HTD2: variants seen among roughly 807,000 people sequenced by gnomAD.
HTD2 encodes hydroxyacyl-thioester dehydratase type 2, mitochondrial.
HTD2 carries 1 observed loss-of-function variant against 3.1 expected under a neutral mutation model. The observed-to-expected ratio is 0.32, with a 90% CI of 0.11 to 1.52. The LOEUF (loss-of-function observed/expected upper bound fraction) is 1.52. HTD2 is among the 40% of genes most tolerant of loss of function. The probability of loss-of-function intolerance (pLI) is 0.39; values close to 1 mark genes in which losing one functional copy is unlikely to be tolerated. For missense variants in HTD2, 150 were observed against 79.6 expected (o/e 1.88, Z -3.36); for synonymous variants, 50 against 28.9 (o/e 1.73, Z -2.34).
chr3:58,310,428 C>G (rs1297527263), intron 1 of HTD2, 79 bp from the exon 2 acceptor site: 2 of 1,611,148 alleles, frequency 1.2e-6, no homozygotes, highest in Admixed American at 1.7e-5. Flanking sequence ...TTCCTAAGTT[C>G]TATTTTAGAT....
At chr3:58,314,198 A>G (rs918509686) in intron 2 of HTD2, among the ~76,000 whole-genome samples, 14 of 152,150 alleles carry the variant, frequency 9.2e-5, no homozygotes, top group African/African-American at 3.4e-4. Context: ...TAAAGCTATA[A>G]AAACTAGCCG....
rs1224372595 is a variant in HTD2 at position 58,316,570 on chromosome 3, C to T, written c.-275C>T. The T allele has an allele frequency of 1.2e-6, 2 of 1,613,928 alleles. No homozygotes were observed. The highest frequency in any genetic ancestry group is 4.5e-5 in the East Asian group (2 of 44,878). On this transcript the variant is annotated 5_prime_UTR_variant, in exon 3 of 5. Transcript: ENST00000461393. ...ACCTATGAAGAGAAGACCTTGTCAG[C>T]CATCTTGAGAATATGTAGCAGGTAT...
intron 4 of HTD2, 68 bp from the exon 5 acceptor site, chr3:58,317,372 G>A: frequency 9.6e-7 from 1 of 1,036,700 alleles, no homozygotes; most frequent in Non-Finnish European, 1.5e-6. Context: ...AACTGGGCAT[G>A]TTTCCCCATT....
intron 2 of HTD2, among the ~76,000 whole-genome samples, chr3:58,314,693 T>C (rs1455486046): frequency 2.1e-5 from 3 of 141,224 alleles, no homozygotes; most frequent in Non-Finnish European, 3.1e-5. Flanking sequence ...TTTTTTTTTT[T>C]TTTTTTTGTT....
rs1010421433 is a variant in HTD2, at chr3:58,316,925, A to T, written c.-243A>T. ...TTGATCTTTCTGCAGTGGTCTTGTC[A>T]AATTGTGGAGCTCTTTGACCCTGTT... On this transcript the variant is annotated 5_prime_UTR_variant, in exon 4 of 5. Transcript: ENST00000461393. The T allele has an allele frequency of 6.8e-6, 11 of 1,613,434 alleles. No homozygotes were observed. The highest frequency in any genetic ancestry group is 1.7e-5 in the Admixed American group (1 of 59,876).
At position 58,318,207 on chromosome 3, in the gene HTD2, T is replaced by C; in HGVS notation, c.*87T>C. 1 of 598,150 alleles carries C rather than the reference T, an allele frequency of 1.7e-6. No individual in the cohort carries two copies. Among genetic ancestry groups the C allele is most frequent in the Non-Finnish European group, 2.9e-6 (1 of 339,154 alleles). 37.1% of individuals were successfully genotyped at this position (598,150 alleles called of 1,614,324 possible). On this transcript the variant is annotated 3_prime_UTR_variant, in exon 5 of 5. Coordinates refer to ENST00000461393, the MANE Select transcript of HTD2 (RefSeq NM_001348712.2). The stretch of plus-strand genomic sequence containing the variant: ...ATTGCTGCTCTTTACCAAAGAATGG[T>C]TGATAGGCCCAGAAGCCCATCTTAG...
At chr3:58,317,235 T>G (rs530152036) in intron 4 of HTD2, among the ~76,000 whole-genome samples, 2 of 152,358 alleles carry the variant, frequency 1.3e-5, no homozygotes, top group Admixed American at 1.3e-4. Context: ...CTTTTTTTAT[T>G]TAACACTTAA....
At chr3:58,316,641 T>A in intron 3 of HTD2, 50 bp downstream of exon 3, 1 of 1,489,208 alleles carries the variant, frequency 6.7e-7, no homozygotes, top group Non-Finnish European at 9.4e-7. Flanking sequence ...GAGAGACCGA[T>A]GGAGCAAAAA....
chr3:58,314,787 C>T (rs748036626), intron 2 of HTD2, among the ~76,000 whole-genome samples: 4 of 147,290 alleles, frequency 2.7e-5, no homozygotes, highest in Non-Finnish European at 5.9e-5. Context: ...CAGGTTCAGG[C>T]GATTCTCCTG....
chr3:58,318,378 C>T lies in HTD2; in HGVS notation c.*258C>T. ...TTTGTTTTTTAATTCAAGAAGTAGG[C>T]TGGGCCCGGTGGCTCATGCCTGTAA... is the stretch of plus-strand genomic sequence containing the variant. On this transcript the variant is annotated 3_prime_UTR_variant, in exon 5 of 5. Coordinates refer to ENST00000461393, the MANE Select transcript of HTD2 (RefSeq NM_001348712.2). The T allele has an allele frequency of 3.2e-6, 1 of 311,096 alleles. No individual in the cohort carries two copies. The allele number at this position is 311,096 out of a possible 1,614,324, so 19.3% of individuals were successfully genotyped here.
In HTD2 at chr3:58,317,679, C is replaced by A. The variant is rs751077766; in HGVS notation, c.66C>A (p.Asn22Lys). 3 of 705,526 alleles carry A rather than the reference C, an allele frequency of 4.3e-6. No homozygotes were observed. Among genetic ancestry groups the A allele is most frequent in the Non-Finnish European group, 7.8e-6 (3 of 386,124 alleles). 43.7% of individuals were successfully genotyped at this position (705,526 alleles called of 1,614,324 possible). A position where few individuals can be genotyped will look rare whatever the true frequency, so the allele number is the denominator to read the frequency against. Residue 22 changes from asparagine (N) to lysine (K), a missense_variant, in exon 5 of 5, where the codon AAC (asparagine) becomes AAA (lysine). Physicochemically the swap from Asn to Lys is moderately conservative, Grantham distance 94. Transcript: ENST00000461393. ...GGCTTCGGAGGACAGTCTGTCTGAA[C>A]CTGCCAGTGCTGACCCTGCAGCACT... ...WGGLRRTVCLNLPVLTLQHFQ... is the reference protein window; with the variant it reads ...WGGLRRTVCLKLPVLTLQHFQ...
chr3:58,310,916 G>A (rs1278964427), intron 2 of HTD2, among the ~76,000 whole-genome samples: 30 of 129,320 alleles, frequency 2.3e-4, no homozygotes, highest in Non-Finnish European at 3.4e-4. Context: ...GCAACAGAGC[G>A]AGACTCTGTC....
intron 1 of HTD2, among the ~76,000 whole-genome samples, chr3:58,308,527 CCAAA>C (rs2097478217): frequency 6.6e-6 from 1 of 152,028 alleles, no homozygotes; most frequent in African/African-American, 2.4e-5. Flanking sequence ...TCCTGGCCTC[CCAAA>C]CTGTTGAGAT....
At chr3:58,311,136 TTTGTTGTTG>T (rs144147590) in intron 2 of HTD2, among the ~76,000 whole-genome samples, 22 of 150,228 alleles carry the variant, frequency 1.5e-4, no homozygotes, top group African/African-American at 4.4e-4. Context: ...AAATCTACTT[TTTGTTGTTG>T]TTGTTGTTGT....
At position 58,317,556 on chromosome 3, in the gene HTD2, G is replaced by A; in HGVS notation, c.-58G>A. On this transcript the variant is annotated 5_prime_UTR_variant, in exon 5 of 5. Transcript: ENST00000461393. ...CTCTCATATTTATTTTTTGGTGCCT[G>A]CATGTTTGAAGACTGAAGCAGGCTA... 1 of 1,171,886 alleles carries A rather than the reference G, an allele frequency of 8.5e-7. No individual in the cohort carries two copies. The highest frequency in any genetic ancestry group is 1.8e-5 in the Admixed American group (1 of 54,598). The allele number at this position is 1,171,886 out of a possible 1,614,324, so 72.6% of individuals were successfully genotyped here. A position where few individuals can be genotyped will look rare whatever the true frequency, so the allele number is the denominator to read the frequency against.
At chr3:58,308,863 T>G (rs1391342568) in intron 1 of HTD2, among the ~76,000 whole-genome samples, 1 of 151,928 alleles carries the variant, frequency 6.6e-6, no homozygotes, top group East Asian at 1.9e-4. Flanking sequence ...CATGAAGAGG[T>G]GGTATTTAAA....
Position 58,308,493 on chromosome 3 carries a change from A to G in HTD2, c.-416+1842A>G, listed in dbSNP as rs186643330. Among the ~76,000 whole-genome samples, 844 of 151,770 alleles carry G rather than the reference A, an allele frequency of 5.6e-3. 10 individuals are homozygous for G. The highest frequency in any genetic ancestry group is 0.019 in the African/African-American group (804 of 41,364). ...TTTTTTTTAGTGACAGGGTCTCACT[A>G]TGTTTCCCAGGCTGGTCTCAAACTC... On this transcript the variant is annotated intron_variant, in intron 1 of 4. Transcript: ENST00000461393.
chr3:58,311,107 T>C (rs2097481737), intron 2 of HTD2, among the ~76,000 whole-genome samples: 1 of 151,698 alleles, frequency 6.6e-6, no homozygotes, highest in Non-Finnish European at 1.5e-5. Flanking sequence ...TAATCACCAA[T>C]CTACTTTCTA....
At chr3:58,313,594 G>T (rs768333578) in intron 2 of HTD2, among the ~76,000 whole-genome samples, 3 of 151,870 alleles carry the variant, frequency 2.0e-5, no homozygotes, top group Non-Finnish European at 4.4e-5. Flanking sequence ...GAGGCCAAGC[G>T]GGTGGATCAC....
Sources: allele counts gnomAD v4.1 joint callset (sites outside exome capture counted in the v4.1 genomes callset), GRCh38; gene constraint gnomAD v4.1.1; transcripts MANE v1.5; gene names NCBI Gene and HGNC (gene_info 2026-07-23, HGNC 2026-07-21).